DPH6: variants seen among roughly 807,000 people sequenced by gnomAD.
DPH6 encodes diphthine--ammonia ligase.
In DPH6, 33 loss-of-function variants were observed where a neutral mutation model predicts 38.2. The ratio of observed to expected loss-of-function variants is 0.86; its 90% CI spans 0.65 to 1.15. DPH6 has a LOEUF of 1.15. Among genes scored for constraint, DPH6 ranks in the 50% most tolerant of loss-of-function variants. The pLI, the probability that DPH6 is intolerant of heterozygous loss-of-function variation, is 0.00. For synonymous variants in DPH6, 108 were observed against 103.0 expected (o/e 1.05, Z -0.30); for missense variants, 325 against 320.0 (o/e 1.02, Z -0.12).
the DPH6 span, among the ~76,000 whole-genome samples, chr15:35,171,827 A>G: frequency 6.6e-6 from 1 of 151,822 alleles, no homozygotes; most frequent in African/African-American, 2.4e-5. Context: ...TTACACACAT[A>G]GCCTGAAAAT....
chr15:35,200,091 C>T, the DPH6 span, among the ~76,000 whole-genome samples: 2 of 152,016 alleles, frequency 1.3e-5, no homozygotes, highest in Admixed American at 6.6e-5. Flanking sequence ...AAATAAACCT[C>T]CTCAAAAGAA....
chr15:35,410,969 G>C, intron 5 of DPH6, 73 bp from the exon 6 acceptor site: 1 of 1,336,460 alleles, frequency 7.5e-7, no homozygotes, highest in Non-Finnish European at 1.0e-6. Context: ...CCCTTCCCTT[G>C]GCCCCTCCTC....
chr15:35,542,449 C>A lies in DPH6; in HGVS notation c.82G>T (p.Val28Phe), dbSNP rs148139655. The A allele has an allele frequency of 6.3e-7, 1 of 1,576,428 alleles. No individual in the cohort carries two copies. The highest frequency in any genetic ancestry group is 8.7e-7 in the Non-Finnish European group (1 of 1,150,900). ...MQCIAAGHQI[V>F]ALANLRPAEN... ...GCTGGTCTTAGATTTGCTAAAGCAA[C>A]GATCTGATGCCCAGCAGCAATGCAC... is the stretch of plus-strand genomic sequence containing the variant. The change falls in exon 2 of 9, where the codon GTT (valine) becomes TTT (phenylalanine). Residue 28 changes from valine to phenylalanine, a missense_variant. By Grantham distance (50) the Val-to-Phe change is conservative (BLOSUM62 -1). Coordinates refer to ENST00000256538, the MANE Select transcript of DPH6 (RefSeq NM_080650.4).
intron 3 of DPH6, among the ~76,000 whole-genome samples, chr15:35,248,495 A>C (rs1173608796): frequency 6.6e-6 from 1 of 152,156 alleles, no homozygotes; most frequent in East Asian, 1.9e-4. Flanking sequence ...CATTCTCCAC[A>C]ACCTCAGTCT....
the DPH6 span, among the ~76,000 whole-genome samples, chr15:35,146,619 C>T: frequency 1.3e-5 from 2 of 152,102 alleles, no homozygotes; most frequent in Non-Finnish European, 2.9e-5. Context: ...TCTCCATTTT[C>T]CTCTCTTTCC....
At chr15:35,213,087 CCA>C (rs1253622906), downstream of DPH6, among the ~76,000 whole-genome samples, 2 of 152,288 alleles carry the variant, frequency 1.3e-5, no homozygotes, top group Non-Finnish European at 2.9e-5. Flanking sequence ...TTAAAGTTAG[CCA>C]CAGTCTGCGT....
Position 35,545,909 on chromosome 15 carries a change from G to T in DPH6, c.23+210C>A, listed in dbSNP as rs1181653399. ...TTTAAGGGCTAGAAGACCAGAGAGC[G>T]ACAGACAGGGAGGAGGCGCGCCAGC... On this transcript the variant is annotated intron_variant, in intron 1 of 8. Transcript: ENST00000256538. 2.0e-5 allele frequency among the ~76,000 whole-genome samples: 3 copies of T among 152,202 alleles called. 1 individual carries two copies. The highest frequency in any genetic ancestry group is 1.3e-4 in the Admixed American group (2 of 15,286).
At chr15:35,235,901 A>G (rs2140396187) in intron 3 of DPH6, among the ~76,000 whole-genome samples, 1 of 152,314 alleles carries the variant, frequency 6.6e-6, no homozygotes, top group African/African-American at 2.4e-5. Flanking sequence ...TTCAAAGTTT[A>G]ATTTGTGTTA....
chr15:35,543,259 AATATATATATAT>A (rs6145522), intron 1 of DPH6, among the ~76,000 whole-genome samples: 1,247 of 114,098 alleles, frequency 0.011, 25 homozygotes, highest in Non-Finnish European at 0.016. Context: ...ACATACACAT[AATATATATATAT>A]ATATATATAT....
At chr15:35,223,360 T>A (rs2051455172) in intron 3 of DPH6, among the ~76,000 whole-genome samples, 1 of 152,066 alleles carries the variant, frequency 6.6e-6, no homozygotes, top group Admixed American at 6.6e-5. Flanking sequence ...GGACTCATCA[T>A]CTCTTAAAAC....
the DPH6 span, among the ~76,000 whole-genome samples, chr15:35,146,652 C>T: frequency 1.3e-5 from 2 of 151,958 alleles, no homozygotes; most frequent in Non-Finnish European, 2.9e-5. Context: ...GTTGATCTGC[C>T]GTATTGCAGA....
chr15:35,396,313 C>T (rs1012795435), intron 6 of DPH6: 7 of 152,224 alleles, frequency 4.6e-5, no homozygotes, highest in African/African-American at 1.7e-4. Flanking sequence ...GATTTATCTC[C>T]ACGCTGGCAG....
chr15:35,438,553 G>A (rs766776250), intron 5 of DPH6, among the ~76,000 whole-genome samples: 1 of 152,074 alleles, frequency 6.6e-6, no homozygotes, highest in African/African-American at 2.4e-5. Context: ...ACTCTTAAAG[G>A]GCCCCATTTG....
At chr15:35,426,981 G>A (rs185951726) in intron 5 of DPH6, among the ~76,000 whole-genome samples, 79 of 148,156 alleles carry the variant, frequency 5.3e-4, no homozygotes, top group African/African-American at 1.9e-3. Flanking sequence ...TACCAAAAAT[G>A]TACTGTCAGG....
intron 3 of DPH6, among the ~76,000 whole-genome samples, chr15:35,504,259 C>T (rs2054665376): frequency 6.6e-6 from 1 of 151,962 alleles, no homozygotes; most frequent in Admixed American, 6.6e-5. Flanking sequence ...CTTCTCACTC[C>T]TACCTCCTGC....
chr15:35,405,130 T>C (rs2053274573), intron 6 of DPH6, among the ~76,000 whole-genome samples: 1 of 152,158 alleles, frequency 6.6e-6, no homozygotes, highest in Non-Finnish European at 1.5e-5. Context: ...ACTATAGCTC[T>C]GTAGCAGAGT....
chr15:35,360,306 G>A (rs1182760774), intron 3 of DPH6, among the ~76,000 whole-genome samples: 4 of 144,914 alleles, frequency 2.8e-5, no homozygotes. Context: ...GCGGGCACAG[G>A]TGGGCACAAT....
At chr15:35,396,998 C>A (rs532561843) in intron 6 of DPH6, among the ~76,000 whole-genome samples, 1 of 152,272 alleles carries the variant, frequency 6.6e-6, no homozygotes, top group East Asian at 1.9e-4. Flanking sequence ...AAGTTAACTT[C>A]TGTAGAAAAG....
Position 35,240,811 on chromosome 15 carries a change from A to T in DPH6, n.201-20229T>A, listed in dbSNP as rs577364919. ...TTCTCAATATACATTTTATTACCCAATCTGCTCCCGACATTAAATAAAACT... is the reference window on the plus strand; with the variant it reads ...TTCTCAATATACATTTTATTACCCATTCTGCTCCCGACATTAAATAAAACT... On this transcript the variant is annotated intron_variant and non_coding_transcript_variant, in intron 3 of 3. Transcript: ENST00000560386. Among the ~76,000 whole-genome samples the T allele has an allele frequency of 6.5e-4, 94 of 143,552 alleles. 11 individuals carry two copies. Among genetic ancestry groups the T allele is most frequent in the Admixed American group, 2.7e-3 (36 of 13,244 alleles). 94.2% of individuals were successfully genotyped at this position (143,552 alleles called of 152,430 possible). A position where few individuals can be genotyped will look rare whatever the true frequency, so the allele number is the denominator to read the frequency against.
Sources: gnomAD v4.1 joint callset for allele counts (sites outside exome capture counted in the v4.1 genomes callset) on GRCh38, gnomAD v4.1.1 for gene constraint, MANE v1.5 for transcripts, NCBI Gene and HGNC (gene_info 2026-07-23, HGNC 2026-07-21) for gene names.